The following ZNF565 variants were observed in gnomAD, a reference collection of about 807,000 sequenced individuals.
ZNF565 encodes the protein zinc finger protein 565.
A neutral mutation model predicts 39.4 loss-of-function variants in ZNF565; 27 were observed. The ratio of observed to expected loss-of-function variants is 0.69; its 90% confidence interval spans 0.51 to 0.95. The LOEUF (loss-of-function observed/expected upper bound fraction) is 0.95, where lower values mean the gene tolerates loss of function less well. Among genes scored for constraint, ZNF565 ranks in the 40% least tolerant of loss-of-function variants. The probability of loss-of-function intolerance (pLI) is 0.00; values close to 1 mark genes in which losing one functional copy is unlikely to be tolerated. For missense variants in ZNF565, 524 were observed against 621.1 expected, an observed-to-expected ratio of 0.84 and a Z score of 1.66; for synonymous variants, 185 against 216.6, an observed-to-expected ratio of 0.85 and a Z score of 1.28.
chr19:36,207,025 G>A (rs1976181348), intron 1 of ZNF565, among the ~76,000 whole-genome samples: 1 of 152,068 alleles, frequency 6.6e-6, no homozygotes, highest in African/African-American at 2.4e-5. Flanking sequence ...CACCAGGAGC[G>A]GCAATTGCAA....
Position 36,182,537 on chromosome 19 carries a change from A to G in ZNF565, c.1429T>C (p.Cys477Arg). ...ATAAATGCCTGCCCACACTCTCTAC[A>G]TTCGTAAGGTTTGATACCAGGATGA... The part of the protein sequence containing the change: ...RIHPGIKPYE[C>R]RECGQAFILG... The change falls in exon 5 of 5, where the codon TGT (cysteine) becomes CGT (arginine). Residue 477 changes from cysteine (C) to arginine (R), a missense_variant. Physicochemically the swap from Cys to Arg is radical, Grantham distance 180 (BLOSUM62 -3). Coordinates refer to ENST00000304116, the MANE Select transcript of ZNF565 (RefSeq NM_152477.5). 6.2e-7 allele frequency: 1 copy of G among 1,611,586 alleles called. No homozygotes were observed.
At chr19:36,216,841 G>T (rs1157359163), upstream of ZNF565, among the ~76,000 whole-genome samples, 1 of 107,724 alleles carries the variant, frequency 9.3e-6, no homozygotes, top group African/African-American at 3.6e-5. Context: ...AAAGCCTCAG[G>T]CCGGGCTTGG....
chr19:36,217,817 G>A (rs1043055525), upstream of ZNF565, among the ~76,000 whole-genome samples: 18 of 151,890 alleles, frequency 1.2e-4, no homozygotes, highest in African/African-American at 3.6e-4. Flanking sequence ...CCCGGGAGGC[G>A]GAGGTTGCAG....
At chr19:36,242,761 TAAATA>T (rs1012173462) in intron 1 of ZNF565, among the ~76,000 whole-genome samples, 1 of 152,034 alleles carries the variant, frequency 6.6e-6, no homozygotes, top group Non-Finnish European at 1.5e-5. Flanking sequence ...AATGGACAAA[TAAATA>T]GAATCATTTT....
rs2029891500 is a variant in ZNF565, at chr19:36,245,535, G to A, written c.-5C>T. On this transcript the variant is annotated 5_prime_UTR_variant, in exon 1 of 5. Transcript: ENST00000355114. The surrounding 1 kb of genome is among the most constrained non-coding windows in gnomAD (Gnocchi z 4.4). ...TTCCCAGGGTCCACGGCGCATTTAG[G>A]TGGTGGCTTGCTCTGGACTACATTT... 5 of 702,356 alleles carry A rather than the reference G, an allele frequency of 7.1e-6. No individual in the cohort carries two copies. Among genetic ancestry groups the A allele is most frequent in the South Asian group, 4.4e-5 (3 of 67,580 alleles). The allele number at this position is 702,356 out of a possible 1,614,324, so 43.5% of individuals were successfully genotyped here. A position where few individuals can be genotyped will look rare whatever the true frequency, so the allele number is the denominator to read the frequency against.
At chr19:36,211,887 A>G (rs1976373975) in intron 1 of ZNF565, among the ~76,000 whole-genome samples, 1 of 152,200 alleles carries the variant, frequency 6.6e-6, no homozygotes, top group Non-Finnish European at 1.5e-5. Context: ...AGCTGGTAAC[A>G]ACTTTTTCAG....
chr19:36,243,079 G>T (rs1977826285), intron 1 of ZNF565, among the ~76,000 whole-genome samples: 1 of 152,160 alleles, frequency 6.6e-6, no homozygotes, highest in Non-Finnish European at 1.5e-5. Flanking sequence ...TGTCCCCCAG[G>T]CTGGAGGATA....
At chr19:36,191,944 T>G (rs566111919) in intron 4 of ZNF565, among the ~76,000 whole-genome samples, 2 of 152,002 alleles carry the variant, frequency 1.3e-5, no homozygotes, top group African/African-American at 4.8e-5. Context: ...GGATGGAAAC[T>G]TCACAGGGGA....
chr19:36,245,112 C>T lies in ZNF565; in HGVS notation c.55+364G>A, dbSNP rs2029886262. Among the ~76,000 whole-genome samples the T allele has an allele frequency of 6.6e-6, 1 of 152,194 alleles. No homozygotes were observed. The highest frequency in any genetic ancestry group is 2.1e-4 in the South Asian group (1 of 4,834). On this transcript the variant is annotated intron_variant, in intron 1 of 4. Transcript: ENST00000355114. This position sits in a 1 kb window ranked among gnomAD's most constrained non-coding sequence, Gnocchi z 4.4. ...TCTTTTGAGTTTAGGGATCCACAGC[C>T]TGAGACCCGGCGAGCCTCGCTGCCC...
chr19:36,201,058 A>G (rs556619326), intron 2 of ZNF565, among the ~76,000 whole-genome samples: 10 of 152,278 alleles, frequency 6.6e-5, no homozygotes, highest in African/African-American at 2.2e-4. Context: ...TCATGCCTGT[A>G]ATCCCAGTAC....
intron 1 of ZNF565, among the ~76,000 whole-genome samples, chr19:36,240,468 A>T (rs1977778866): frequency 2.0e-5 from 3 of 152,210 alleles, no homozygotes; most frequent in African/African-American, 7.2e-5. Flanking sequence ...GATCAGTGGG[A>T]AGAGAATTGA....
At chr19:36,241,399 G>A (rs920676095) in intron 1 of ZNF565, among the ~76,000 whole-genome samples, 3 of 150,908 alleles carry the variant, frequency 2.0e-5, no homozygotes, top group Non-Finnish European at 2.9e-5. Context: ...CAGGAGAATC[G>A]CTTGAACCCA....
chr19:36,187,171 C>T (rs1975331527), intron 4 of ZNF565, among the ~76,000 whole-genome samples: 1 of 150,156 alleles, frequency 6.7e-6, no homozygotes, highest in African/African-American at 2.5e-5. Context: ...GCCTGGGAAA[C>T]AGGAGCGAAA....
At chr19:36,190,260 C>T (rs181903082) in intron 4 of ZNF565, among the ~76,000 whole-genome samples, 8 of 152,092 alleles carry the variant, frequency 5.3e-5, no homozygotes, top group Non-Finnish European at 1.2e-4. Context: ...TGTTGTCACA[C>T]AGCAAGGGGA....
chr19:36,202,386 C>T (rs1286586563), intron 1 of ZNF565, among the ~76,000 whole-genome samples: 1 of 103,222 alleles, frequency 9.7e-6, no homozygotes, highest in Non-Finnish European at 2.0e-5. Context: ...AAACAAAAAA[C>T]AAAACAACAA....
chr19:36,186,534 T>C (rs1030627770), intron 4 of ZNF565, among the ~76,000 whole-genome samples: 2 of 152,072 alleles, frequency 1.3e-5, no homozygotes, highest in Non-Finnish European at 2.9e-5. Context: ...ATGCCTGTAA[T>C]CCCAGCACTT....
chr19:36,194,578 C>G (rs1430677701), intron 3 of ZNF565: 7 of 476,830 alleles, frequency 1.5e-5, no homozygotes, highest in Non-Finnish European at 2.6e-5. Context: ...ACCAGAAATT[C>G]CAGAAGGGTA....
At chr19:36,229,373 C>G (rs1977221371) in intron 1 of ZNF565, among the ~76,000 whole-genome samples, 1 of 152,118 alleles carries the variant, frequency 6.6e-6, no homozygotes, top group African/African-American at 2.4e-5. Flanking sequence ...TTTCCCTCTG[C>G]TACTTTTATG....
intron 4 of ZNF565, among the ~76,000 whole-genome samples, chr19:36,189,673 G>T (rs1424096773): frequency 1.3e-5 from 2 of 151,964 alleles, no homozygotes; most frequent in Admixed American, 6.6e-5. Flanking sequence ...ATAAATAAAA[G>T]ATTATTATTT....
Sources: gnomAD v4.1 joint callset for allele counts (sites outside exome capture counted in the v4.1 genomes callset) on GRCh38, gnomAD v4.1.1 for gene constraint, Gnocchi (gnomAD v3.1) non-coding constraint, MANE v1.5 for transcripts, NCBI Gene and HGNC (gene_info 2026-07-23, HGNC 2026-07-21) for gene names.